Variants in EIF5 observed in about 807,000 individuals in gnomAD.
EIF5 encodes the protein eukaryotic translation initiation factor 5.
Under a neutral mutation model 48.3 loss-of-function variants are expected in EIF5, and 10 were observed. The observed-to-expected ratio is 0.21, with a 90% CI of 0.13 to 0.35. The LOEUF (loss-of-function observed/expected upper bound fraction) is 0.35. Among genes scored for constraint, EIF5 ranks in the 10% least tolerant of loss-of-function variants. EIF5 has a pLI of 1.00. For synonymous variants in EIF5, 237 were observed against 173.1 expected, an observed-to-expected ratio of 1.37 and a Z score of -2.90; for missense variants, 397 against 533.2, an observed-to-expected ratio of 0.74 and a Z score of 2.51.
Position 103,343,734 on chromosome 14 carries a change from C to A in EIF5, c.*2682C>A, listed in dbSNP as rs992115065. 15 of 152,168 alleles carry A rather than the reference C, an allele frequency of 9.9e-5. No individual in the cohort carries two copies. Among genetic ancestry groups the A allele is most frequent in the African/African-American group, 3.6e-4 (15 of 41,426 alleles). The allele number at this position is 152,168 out of a possible 1,614,324, so 9.4% of individuals were successfully genotyped here. A position where few individuals can be genotyped will look rare whatever the true frequency, so the allele number is the denominator to read the frequency against. On this transcript the variant is annotated 3_prime_UTR_variant, in exon 12 of 12. Coordinates refer to ENST00000216554, the MANE Select transcript of EIF5 (RefSeq NM_001969.5). ...AAAAAGCAGATAAGTGAGTTTGAAC[C>A]TTTTGCATTTTGTTAGCTCAGTCAG...
At position 103,338,090 on chromosome 14, in the gene EIF5, C is replaced by A. The variant is rs887242619; in HGVS notation, c.440-237C>A. On this transcript the variant is annotated intron_variant, in intron 6 of 11. Transcript: ENST00000216554. Reference sequence around the variant, plus strand: ...GCATCATCACTTCATCTTACTCTTTCTTAGCAGTTACAATACCCCTAATAT... The same window carrying A: ...GCATCATCACTTCATCTTACTCTTTATTAGCAGTTACAATACCCCTAATAT... The A allele has an allele frequency of 6.2e-6, 4 of 642,334 alleles. No homozygotes were observed. The South Asian group carries it at 6.9e-5, about 11-fold the overall frequency. 39.8% of individuals were successfully genotyped at this position (642,334 alleles called of 1,614,324 possible). A position where few individuals can be genotyped will look rare whatever the true frequency, so the allele number is the denominator to read the frequency against.
rs748212279 is a variant in EIF5 at position 103,340,465 on chromosome 14, G to C, written c.1110G>C (p.Glu370Asp). 2 of 1,609,210 alleles carry C rather than the reference G, an allele frequency of 1.2e-6. No individual in the cohort carries two copies. The highest frequency in any genetic ancestry group is 1.7e-6 in the Non-Finnish European group (2 of 1,175,712). ...ATGTCTCCAAAGAACTTGCCAAAGAGATTCGTGTCAAAGCAGAACCATTTA... is the reference window on the plus strand; with the variant it reads ...ATGTCTCCAAAGAACTTGCCAAAGACATTCGTGTCAAAGCAGAACCATTTA... ...KKYVSKELAK[E>D]IRVKAEPFIK... The change falls in exon 11 of 12, where the codon GAG becomes GAC. Residue 370 changes from glutamate to aspartate, a missense_variant. Coordinates refer to ENST00000216554, the MANE Select transcript of EIF5 (RefSeq NM_001969.5).
chr14:103,337,479 G>T (rs1465995050), intron 6 of EIF5: 10 of 445,468 alleles, frequency 2.2e-5, no homozygotes, highest in Non-Finnish European at 1.6e-5. Context: ...GTGTGCTCCT[G>T]TAATCCCAGC....
At chr14:103,337,681 A>G (rs1241740895) in intron 6 of EIF5, 1 of 363,810 alleles carries the variant, frequency 2.7e-6, no homozygotes, top group Non-Finnish European at 5.4e-6. Flanking sequence ...ATTGTTAATT[A>G]CCATTAAAGG....
chr14:103,340,590 TACA>T, intron 11 of EIF5, 29 bp downstream of exon 11: 1 of 1,600,646 alleles, frequency 6.2e-7, no homozygotes, highest in Non-Finnish European at 8.6e-7. Context: ...GGGTATTGGA[TACA>T]GTGCTGGCAT....
chr14:103,336,802 A>G lies in EIF5; in HGVS notation c.280A>G (p.Lys94Glu). 1.2e-6 allele frequency: 2 copies of G among 1,614,080 alleles called. No homozygotes were observed. The highest frequency in any genetic ancestry group is 1.7e-6 in the Non-Finnish European group (2 of 1,179,988). Residue 94 changes from lysine to glutamate, a missense_variant, in exon 5 of 12, where the codon AAA becomes GAA. Physicochemically the swap from Lys to Glu is moderately conservative, Grantham distance 56. Transcript: ENST00000216554. ...KLQDMLDGFI[K>E]KFVLCPECEN... The stretch of plus-strand genomic sequence containing the variant: ...GCAAGACATGTTGGATGGATTCATT[A>G]AAAAATTTGTTCTCTGTCCTGAATG...
intron 2 of EIF5, 24 bp from the exon 3 acceptor site, chr14:103,335,629 G>A (rs937191710): frequency 8.9e-6 from 5 of 561,702 alleles, no homozygotes; most frequent in African/African-American, 5.6e-5. Context: ...GGATTTTTGT[G>A]TGTTCTTTCC....
intron 8 of EIF5, 84 bp from the exon 9 acceptor site, chr14:103,339,088 T>C: frequency 6.6e-7 from 1 of 1,514,150 alleles, no homozygotes; most frequent in Non-Finnish European, 8.9e-7. Context: ...GAAAAATATG[T>C]TCATCAGAGC....
intron 10 of EIF5, 66 bp from the exon 11 acceptor site, chr14:103,340,361 G>T: frequency 1.3e-6 from 2 of 1,553,068 alleles, no homozygotes; most frequent in Non-Finnish European, 1.8e-6. Context: ...CAGTAAGGGG[G>T]ATTGTATAAA....
Position 103,335,680 on chromosome 14 carries a change from A to C in EIF5, c.-181A>C, listed in dbSNP as rs1009001542. Reference sequence around the variant, plus strand: ...CTGTTGCGCAGCCATTGGTACCTGTATTGGGGAAACATAGCATACAAGCAA... The same window carrying C: ...CTGTTGCGCAGCCATTGGTACCTGTCTTGGGGAAACATAGCATACAAGCAA... On this transcript the variant is annotated 5_prime_UTR_variant, in exon 3 of 12. Coordinates refer to ENST00000216554, the MANE Select transcript of EIF5 (RefSeq NM_001969.5). 1.6e-6 allele frequency: 1 copy of C among 620,038 alleles called. No homozygotes were observed. Among genetic ancestry groups the C allele is most frequent in the Non-Finnish European group, 2.9e-6 (1 of 349,906 alleles). 38.4% of individuals were successfully genotyped at this position (620,038 alleles called of 1,614,324 possible).
intron 11 of EIF5, 72 bp downstream of exon 11, chr14:103,340,633 G>A: frequency 6.5e-7 from 1 of 1,548,396 alleles, no homozygotes; most frequent in Non-Finnish European, 8.8e-7. Context: ...AGGTTTGTGA[G>A]GAGTGATATA....
chr14:103,339,903 GGCAGGAGTACAGTGGTATGATCTCA>G, intron 10 of EIF5, 100 bp downstream of exon 10: 1 of 1,359,450 alleles, frequency 7.4e-7, no homozygotes, highest in Non-Finnish European at 9.9e-7. Flanking sequence ...CTGTTGTCCA[GGCAGGAGTACAGTGGTATGATCTCA>G]GCTCCCTGAA....
Position 103,343,330 on chromosome 14 carries a change from A to C in EIF5, c.*2278A>C, listed in dbSNP as rs1281553218. ...CCCACTCACAAAAGTTGTTCATTTCATTGGGTCACTGGCTTTATTTGCTAG... is the reference window on the plus strand; with the variant it reads ...CCCACTCACAAAAGTTGTTCATTTCCTTGGGTCACTGGCTTTATTTGCTAG... On this transcript the variant is annotated 3_prime_UTR_variant, in exon 12 of 12. Coordinates refer to ENST00000216554, the MANE Select transcript of EIF5 (RefSeq NM_001969.5). 1 of 152,156 alleles carries C rather than the reference A, an allele frequency of 6.6e-6. No homozygotes were observed. Among genetic ancestry groups the C allele is most frequent in the Non-Finnish European group, 1.5e-5 (1 of 68,026 alleles). 9.4% of individuals were successfully genotyped at this position (152,156 alleles called of 1,614,324 possible). A position where few individuals can be genotyped will look rare whatever the true frequency, so the allele number is the denominator to read the frequency against.
intron 4 of EIF5, chr14:103,336,439 G>C: frequency 3.6e-6 from 2 of 559,142 alleles, no homozygotes; most frequent in Non-Finnish European, 6.2e-6. Flanking sequence ...AAATTAGCCA[G>C]GCGTGGTGGC....
At position 103,334,612 on chromosome 14, in the gene EIF5, CGGCGGGCCAGGAGAT is replaced by C. The variant is rs1049844818; in HGVS notation, c.-209+21_-209+35del. 21 of 151,446 alleles carry C rather than the reference CGGCGGGCCAGGAGAT, an allele frequency of 1.4e-4. No homozygotes were observed. Among genetic ancestry groups the C allele is most frequent in the African/African-American group, 5.1e-4 (21 of 41,262 alleles). The allele number at this position is 151,446 out of a possible 1,614,324, so 9.4% of individuals were successfully genotyped here. A position where few individuals can be genotyped will look rare whatever the true frequency, so the allele number is the denominator to read the frequency against. On this transcript the variant is annotated intron_variant, in intron 2 of 11. Coordinates refer to ENST00000216554, the MANE Select transcript of EIF5 (RefSeq NM_001969.5). The stretch of plus-strand genomic sequence containing the variant: ...TGACGAAAACGGTGAGTCGCGGGCG[CGGCGGGCCAGGAGAT>C]GGCGGCCGCACAAGATGGCGGCGGC...
intron 2 of EIF5, 171 bp downstream of exon 2, chr14:103,334,768 C>T (rs1045609819): frequency 1.9e-4 from 29 of 148,860 alleles, no homozygotes; most frequent in African/African-American, 5.4e-4. Flanking sequence ...TCGCCCCCTC[C>T]CCGGCATGGC....
At position 103,341,992 on chromosome 14, in the gene EIF5, G is replaced by C. The variant is rs923106691; in HGVS notation, c.*940G>C. 6.6e-6 allele frequency: 1 copy of C among 152,472 alleles called. No individual in the cohort carries two copies. Among genetic ancestry groups the C allele is most frequent in the Non-Finnish European group, 1.5e-5 (1 of 67,990 alleles). The allele number at this position is 152,472 out of a possible 1,614,324, so 9.4% of individuals were successfully genotyped here. ...AATGTTAGACATACTGTATTTTTTC[G>C]TTCAGTGTGGCTTTAATTTTCCCCT... On this transcript the variant is annotated 3_prime_UTR_variant, in exon 12 of 12. Coordinates refer to ENST00000216554, the MANE Select transcript of EIF5 (RefSeq NM_001969.5).
rs933043861 is a variant in EIF5 at position 103,343,630 on chromosome 14, A to C, written c.*2578A>C. The stretch of plus-strand genomic sequence containing the variant: ...GGAGGGGTATCAAAATTGAGCCCCA[A>C]GCTGTTTGTTCCAGTGTACCAAGCA... On this transcript the variant is annotated 3_prime_UTR_variant, in exon 12 of 12. Coordinates refer to ENST00000216554, the MANE Select transcript of EIF5 (RefSeq NM_001969.5). 3.9e-5 allele frequency: 6 copies of C among 152,210 alleles called. No individual in the cohort carries two copies. Among genetic ancestry groups the C allele is most frequent in the African/African-American group, 1.2e-4 (5 of 41,446 alleles). 9.4% of individuals were successfully genotyped at this position (152,210 alleles called of 1,614,324 possible).
chr14:103,342,191 A>C lies in EIF5; in HGVS notation c.*1139A>C, dbSNP rs977946833. The C allele has an allele frequency of 4.6e-5, 7 of 152,334 alleles. No individual in the cohort carries two copies. Among genetic ancestry groups the C allele is most frequent in the Non-Finnish European group, 1.0e-4 (7 of 67,996 alleles). 9.4% of individuals were successfully genotyped at this position (152,334 alleles called of 1,614,324 possible). On this transcript the variant is annotated 3_prime_UTR_variant, in exon 12 of 12. Coordinates refer to ENST00000216554, the MANE Select transcript of EIF5 (RefSeq NM_001969.5). ...TATTTAAAAAGAAAGCTAAAAGCAT[A>C]CTTCTAAGTCAGAGCCTCTATTTTG...
Sources: gnomAD v4.1 joint callset for allele counts on GRCh38, gnomAD v4.1.1 for gene constraint, MANE v1.5 for transcripts, NCBI Gene and HGNC (gene_info 2026-07-23, HGNC 2026-07-21) for gene names.